PTPRR: variants seen among roughly 807,000 people sequenced by gnomAD.
PTPRR encodes the protein protein tyrosine phosphatase receptor type R.
PTPRR carries 38 observed loss-of-function variants against 77.2 expected under a neutral mutation model. The observed-to-expected ratio is 0.49, with a 90% CI of 0.38 to 0.65. PTPRR has a LOEUF of 0.65. Ranked by LOEUF, PTPRR falls within the 30% of genes least tolerant of loss-of-function variation. The pLI is 0.00. For missense variants in PTPRR, 744 were observed against 799.2 expected (o/e 0.93, Z 0.83); for synonymous variants, 299 against 283.1 (o/e 1.06, Z -0.57).
intron 5 of PTPRR, among the ~76,000 whole-genome samples, chr12:70,750,042 C>G (rs1324516324): frequency 6.6e-6 from 1 of 152,142 alleles, no homozygotes; most frequent in Non-Finnish European, 1.5e-5. Flanking sequence ...TCTTGGAAAA[C>G]TGTATTTTTC....
At chr12:70,733,470 C>CAAAAAAAAAAAAAAAAAAAA (rs1193950231) in intron 6 of PTPRR, among the ~76,000 whole-genome samples, 3 of 74,082 alleles carry the variant, frequency 4.0e-5, no homozygotes, top group African/African-American at 1.7e-4. Flanking sequence ...AAAATTATGG[C>CAAAAAAAAAAAAAAAAAAAA]AAAAAAAAAA....
intron 1 of PTPRR, among the ~76,000 whole-genome samples, chr12:70,898,007 TG>T (rs1331356207): frequency 1.6e-5 from 1 of 61,784 alleles, no homozygotes; most frequent in East Asian, 5.9e-4. Context: ...TGTTGTGGGG[TG>T]GGGGGAGGGG....
At chr12:70,812,829 C>T (rs1162877521) in intron 2 of PTPRR, among the ~76,000 whole-genome samples, 1 of 152,152 alleles carries the variant, frequency 6.6e-6, no homozygotes, top group Non-Finnish European at 1.5e-5. Context: ...TCATAAATCA[C>T]AGACAGATTA....
rs749469016 is a variant in PTPRR, at chr12:70,782,056, T to C, written c.358-17278A>G. Among the ~76,000 whole-genome samples the C allele has an allele frequency of 2.6e-5, 4 of 152,172 alleles. No individual in the cohort carries two copies. The South Asian group carries it at 6.2e-4, about 24-fold the overall frequency. ...TAACAAAGAGCTAAATGGGTATTGA[T>C]AGTGAGTGAGAAAAGATACCCAAAT... is the stretch of plus-strand genomic sequence containing the variant. On this transcript the variant is annotated intron_variant, in intron 2 of 13. Coordinates refer to ENST00000283228, the MANE Select transcript of PTPRR (RefSeq NM_002849.4).
intron 2 of PTPRR, among the ~76,000 whole-genome samples, chr12:70,779,768 TC>T (rs1341028398): frequency 6.6e-6 from 1 of 152,124 alleles, no homozygotes; most frequent in East Asian, 1.9e-4. Context: ...AGTGAAAGCA[TC>T]TGAGTTATAT....
At chr12:70,851,518 T>C (rs1001065973) in intron 2 of PTPRR, among the ~76,000 whole-genome samples, 6 of 152,168 alleles carry the variant, frequency 3.9e-5, no homozygotes, top group Admixed American at 3.9e-4. Flanking sequence ...TGGCAACCTC[T>C]TTCACTGCCT....
intron 6 of PTPRR, among the ~76,000 whole-genome samples, chr12:70,713,915 A>AACACC (rs1888924263): frequency 6.6e-6 from 1 of 152,128 alleles, no homozygotes. Context: ...TATTTGGTCA[A>AACACC]ACCTTATTGT....
At chr12:70,697,267 C>T (rs1888262059) in intron 8 of PTPRR, among the ~76,000 whole-genome samples, 1 of 152,120 alleles carries the variant, frequency 6.6e-6, no homozygotes, top group Non-Finnish European at 1.5e-5. Context: ...TAGTTATCCT[C>T]ATGGATATAA....
chr12:70,668,077 A>G (rs1459719103), intron 10 of PTPRR, among the ~76,000 whole-genome samples: 1 of 152,140 alleles, frequency 6.6e-6, no homozygotes, highest in African/African-American at 2.4e-5. Flanking sequence ...GAATGGTTAT[A>G]GATTTCTAAC....
intron 2 of PTPRR, among the ~76,000 whole-genome samples, chr12:70,888,461 G>A (rs1893279743): frequency 6.6e-6 from 1 of 151,928 alleles, no homozygotes; most frequent in South Asian, 2.1e-4. Flanking sequence ...TGTACTTTCA[G>A]TAGTTGTTGT....
intron 2 of PTPRR, among the ~76,000 whole-genome samples, chr12:70,849,074 C>A (rs968990713): frequency 1.3e-5 from 2 of 151,910 alleles, no homozygotes; most frequent in African/African-American, 2.4e-5. Flanking sequence ...TGACTAATAG[C>A]AAACTTTGGG....
chr12:70,894,814 T>C (rs1266782707), intron 1 of PTPRR, among the ~76,000 whole-genome samples: 2 of 151,676 alleles, frequency 1.3e-5, no homozygotes, highest in African/African-American at 4.8e-5. Flanking sequence ...AAATGTACAA[T>C]TATTTAAGGG....
At chr12:70,899,017 A>T (rs1193957848) in intron 1 of PTPRR, among the ~76,000 whole-genome samples, 8 of 151,574 alleles carry the variant, frequency 5.3e-5, no homozygotes, top group Admixed American at 5.3e-4. Flanking sequence ...ATTGAAACTC[A>T]CCAAAGATGA....
intron 2 of PTPRR, among the ~76,000 whole-genome samples, chr12:70,829,306 G>A (rs926535836): frequency 6.6e-6 from 1 of 151,944 alleles, no homozygotes; most frequent in South Asian, 2.1e-4. Flanking sequence ...AGATTTCCTG[G>A]AAGGAAGATT....
At chr12:70,876,406 T>C (rs186298982) in intron 2 of PTPRR, among the ~76,000 whole-genome samples, 6 of 152,238 alleles carry the variant, frequency 3.9e-5, no homozygotes, top group Admixed American at 2.0e-4. Context: ...TAGATGTACA[T>C]TGACTCAGAA....
intron 6 of PTPRR, among the ~76,000 whole-genome samples, chr12:70,723,998 C>T (rs1247393311): frequency 1.3e-5 from 2 of 152,214 alleles, no homozygotes; most frequent in Non-Finnish European, 2.9e-5. Flanking sequence ...AAAAAAGATA[C>T]AGATTTTTGA....
rs371384672 is a variant in PTPRR, at chr12:70,819,189, C to T, written c.358-54411G>A. ...TACAAAAATTAGCCAGGTGTGGTGGCGCATGCCTGTAGTCCCAGCTACTCC... is the reference window on the plus strand; with the variant it reads ...TACAAAAATTAGCCAGGTGTGGTGGTGCATGCCTGTAGTCCCAGCTACTCC... On this transcript the variant is annotated intron_variant, in intron 2 of 13. Transcript: ENST00000283228. Among the ~76,000 whole-genome samples the T allele has an allele frequency of 5.2e-4, 79 of 152,222 alleles. 1 individual carries two copies. Among genetic ancestry groups the T allele is most frequent in the African/African-American group, 1.7e-3 (71 of 41,530 alleles).
intron 2 of PTPRR, among the ~76,000 whole-genome samples, chr12:70,795,910 TAGA>T (rs2137014398): frequency 7.9e-6 from 1 of 126,412 alleles, no homozygotes; most frequent in East Asian, 2.3e-4. Context: ...ATGTATTTAG[TAGA>T]TTTTTTTTTT....
Position 70,764,785 on chromosome 12 carries a change from A to T in PTPRR, c.358-7T>A. ...TTACATCCATTTGCAGTGTCTAGAA[A>T]ATAAGGACAAAAATAAATCCAAATT... is the stretch of plus-strand genomic sequence containing the variant. On this transcript the variant is annotated splice_region_variant and splice_polypyrimidine_tract_variant and intron_variant, in intron 2 of 13. Transcript: ENST00000283228. The T allele has an allele frequency of 1.9e-6, 3 of 1,588,878 alleles. No homozygotes were observed. Among genetic ancestry groups the T allele is most frequent in the Non-Finnish European group, 2.6e-6 (3 of 1,156,958 alleles).
Sources: allele counts gnomAD v4.1 joint callset (sites outside exome capture counted in the v4.1 genomes callset), GRCh38; gene constraint gnomAD v4.1.1; transcripts MANE v1.5; gene names NCBI Gene and HGNC (gene_info 2026-07-23, HGNC 2026-07-21).